Variants in ZSCAN5A observed in about 807,000 individuals in gnomAD.
ZSCAN5A encodes zinc finger and SCAN domain-containing protein 5A.
In ZSCAN5A, 12 loss-of-function variants were observed where a neutral mutation model predicts 23.7. That is an observed-to-expected ratio of 0.51 (90% CI 0.32 to 0.82). The LOEUF (loss-of-function observed/expected upper bound fraction) is 0.82. Among genes scored for constraint, ZSCAN5A ranks in the 40% least tolerant of loss-of-function variants. The pLI is 0.03. For synonymous variants in ZSCAN5A, 257 were observed against 239.9 expected, an observed-to-expected ratio of 1.07 and a Z score of -0.66; for missense variants, 597 against 617.9, an observed-to-expected ratio of 0.97 and a Z score of 0.36.
intron 2 of ZSCAN5A, among the ~76,000 whole-genome samples, chr19:56,262,401 C>T (rs1266862330): frequency 6.6e-6 from 1 of 150,960 alleles, no homozygotes. Context: ...TATGCAGTCT[C>T]GTTTCTAATT....
intron 2 of ZSCAN5A, among the ~76,000 whole-genome samples, chr19:56,292,226 C>G (rs2039556995): frequency 6.6e-6 from 1 of 152,196 alleles, no homozygotes; most frequent in African/African-American, 2.4e-5. Flanking sequence ...TAACATACAT[C>G]TTTTAAAAAG....
At chr19:56,302,339 C>T (rs1467831970) in intron 2 of ZSCAN5A, among the ~76,000 whole-genome samples, 1 of 143,576 alleles carries the variant, frequency 7.0e-6, no homozygotes, top group Admixed American at 7.0e-5. Context: ...TCCTCCTTCC[C>T]TTTCCTCTTC....
chr19:56,278,191 G>A (rs1343602931), intron 2 of ZSCAN5A, among the ~76,000 whole-genome samples: 5 of 151,624 alleles, frequency 3.3e-5, no homozygotes, highest in South Asian at 2.1e-4. Context: ...GCACGGTCTC[G>A]GCTCGCCATG....
Position 56,221,704 on chromosome 19 carries a change from G to T in ZSCAN5A, c.1362C>A (p.Ser454Arg), listed in dbSNP as rs754756520. 6.2e-7 allele frequency: 1 copy of T among 1,614,116 alleles called. No individual in the cohort carries two copies. The highest frequency in any genetic ancestry group is 1.3e-5 in the African/African-American group (1 of 75,034). Residue 454 changes from serine (S) to arginine (R), a missense_variant, in exon 6 of 6, where the codon AGC (serine) becomes AGA (arginine). Ser to Arg is a moderately radical substitution (Grantham distance 110). Around this residue, in one of 5 missense-constraint regions of ZSCAN5A, gnomAD observed 87 missense variants for 74.4 expected, o/e 1.17. Transcript: ENST00000683990. The stretch of plus-strand genomic sequence containing the variant: ...AGTGGATGCGCTGGTGCTCCTTCAG[G>T]CTCCCCCTGTAGGTGAAAACTTTCT... The part of the protein sequence containing the change: ...DCKKVFTYRG[S>R]LKEHQRIHSG...
At chr19:56,300,529 C>T (rs1188101764) in intron 2 of ZSCAN5A, among the ~76,000 whole-genome samples, 4 of 152,184 alleles carry the variant, frequency 2.6e-5, no homozygotes, top group Admixed American at 6.5e-5. Flanking sequence ...GAAGATGTTT[C>T]GAGGTCCTTG....
At chr19:56,264,411 A>C (rs970443785) in intron 2 of ZSCAN5A, among the ~76,000 whole-genome samples, 15 of 152,224 alleles carry the variant, frequency 9.9e-5, no homozygotes, top group African/African-American at 3.6e-4. Flanking sequence ...CTGTTTGTTC[A>C]GGTCTTCCTA....
intron 1 of ZSCAN5A, among the ~76,000 whole-genome samples, chr19:56,366,372 G>A (rs1186147481): frequency 2.7e-5 from 4 of 146,834 alleles, no homozygotes; most frequent in East Asian, 2.0e-4. Context: ...GCAGTGAGCC[G>A]AGATTGTGCC....
At chr19:56,363,310 T>G (rs1200904114) in exon 2 of ZSCAN5A, 1 of 152,332 alleles carries the variant, frequency 6.6e-6, no homozygotes, top group African/African-American at 2.4e-5. Flanking sequence ...TTTTCTCTTC[T>G]TCTCGTCTTC....
chr19:56,320,951 T>C, intron 2 of ZSCAN5A: 1 of 745,186 alleles, frequency 1.3e-6, no homozygotes, highest in South Asian at 1.4e-5. Flanking sequence ...TTTCAAATTG[T>C]GGGTTTTGAT....
At chr19:56,341,790 A>G (rs1179230237) in intron 2 of ZSCAN5A, among the ~76,000 whole-genome samples, 1 of 151,618 alleles carries the variant, frequency 6.6e-6, no homozygotes, top group Non-Finnish European at 1.5e-5. Flanking sequence ...CTTTGAGAAA[A>G]CACTGTTAGC....
chr19:56,301,011 C>A (rs943048370), intron 2 of ZSCAN5A, among the ~76,000 whole-genome samples: 2 of 152,120 alleles, frequency 1.3e-5, no homozygotes, highest in South Asian at 4.1e-4. Flanking sequence ...GCAGAGGCAG[C>A]CATCAAGAGC....
chr19:56,221,816 C>A lies in ZSCAN5A; in HGVS notation c.1250G>T (p.Cys417Phe). 1 of 1,614,058 alleles carries A rather than the reference C, an allele frequency of 6.2e-7. No individual in the cohort carries two copies. Among genetic ancestry groups the A allele is most frequent in the Non-Finnish European group, 8.5e-7 (1 of 1,179,910 alleles). The change falls in exon 6 of 6, where the codon TGC becomes TTC. Residue 417 changes from cysteine (C) to phenylalanine (F), a missense_variant. Around this residue, in one of 5 missense-constraint regions of ZSCAN5A, gnomAD observed 406 missense variants for 353.2 expected, o/e 1.15. Transcript: ENST00000683990. ...GGACTTCTGGGTGAACTGCTTCTGG[C>A]AGACGTCACACGTGTAGGGCCTCTC... ...TGERPYTCDV[C>F]QKQFTQKSYL...
At position 56,222,042 on chromosome 19, in the gene ZSCAN5A, C is replaced by G. The variant is rs1174707253; in HGVS notation, c.1024G>C (p.Val342Leu). The change falls in exon 6 of 6, where the codon GTC becomes CTC. Residue 342 changes from valine to leucine, a missense_variant. Val to Leu is a conservative substitution (Grantham distance 32). This residue lies in a region of ZSCAN5A where 406 missense variants were observed against 353.2 expected (regional missense o/e 1.15). Coordinates refer to ENST00000683990, the MANE Select transcript of ZSCAN5A (RefSeq NM_001322064.3). ...GCTTCTTGGCCATCCGGGTGACTGA[C>G]TGGGCTCGCAGGGCCTGGGGAATGA... ...SIHSPGPASPVSHPDGQEAKA... is the reference protein window; with the variant it reads ...SIHSPGPASPLSHPDGQEAKA... 6.2e-7 allele frequency: 1 copy of G among 1,614,010 alleles called. No individual in the cohort carries two copies. Among genetic ancestry groups the G allele is most frequent in the Non-Finnish European group, 8.5e-7 (1 of 1,179,856 alleles).
intron 2 of ZSCAN5A, among the ~76,000 whole-genome samples, chr19:56,327,479 TTA>T (rs561817292): frequency 1.5e-4 from 22 of 150,488 alleles, no homozygotes; most frequent in Non-Finnish European, 2.1e-4. Flanking sequence ...TGTTTATATA[TTA>T]TGTTTTATAA....
At chr19:56,270,374 G>A (rs545811527) in intron 2 of ZSCAN5A, among the ~76,000 whole-genome samples, 9 of 152,234 alleles carry the variant, frequency 5.9e-5, no homozygotes, top group East Asian at 5.8e-4. Context: ...AGTTGAAATC[G>A]TGCCATTGCA....
intron 2 of ZSCAN5A, among the ~76,000 whole-genome samples, chr19:56,237,093 TG>T (rs2034994313): frequency 6.6e-6 from 1 of 152,252 alleles, no homozygotes. Context: ...AGGAAGCTCT[TG>T]GGCCTCTTGC....
intron 2 of ZSCAN5A, among the ~76,000 whole-genome samples, chr19:56,227,214 T>G (rs1383112758): frequency 6.6e-6 from 1 of 152,246 alleles, no homozygotes; most frequent in Non-Finnish European, 1.5e-5. Flanking sequence ...GTAGGGCATA[T>G]GAATATTAGC....
chr19:56,323,708 G>T (rs749290459), intron 2 of ZSCAN5A, among the ~76,000 whole-genome samples: 5 of 151,262 alleles, frequency 3.3e-5, no homozygotes, highest in Admixed American at 1.3e-4. Context: ...TGCTAATTTT[G>T]TATTTTTAGT....
At chr19:56,280,882 T>C (rs931607139) in intron 2 of ZSCAN5A, among the ~76,000 whole-genome samples, 1 of 152,158 alleles carries the variant, frequency 6.6e-6, no homozygotes, top group African/African-American at 2.4e-5. Flanking sequence ...ACATGCTGTT[T>C]GGGGTACACA....
Sources: allele counts gnomAD v4.1 joint callset (sites outside exome capture counted in the v4.1 genomes callset), GRCh38; gene constraint gnomAD v4.1.1; regional missense constraint gnomAD v4.1.1; transcripts MANE v1.5; gene names NCBI Gene and HGNC (gene_info 2026-07-23, HGNC 2026-07-21).